The following CD2AP variants were observed in gnomAD, a reference collection of about 807,000 sequenced individuals.
CD2AP encodes the protein CD2 associated protein.
Under a neutral mutation model 85.1 loss-of-function variants are expected in CD2AP, and 46 were observed. The observed-to-expected ratio is 0.54, with a 90% CI of 0.43 to 0.69. CD2AP has a LOEUF of 0.69. CD2AP is among the 30% of genes least tolerant of loss of function. The pLI, the probability that CD2AP is intolerant of heterozygous loss-of-function variation, is 0.00. For synonymous variants in CD2AP, 255 were observed against 252.9 expected (o/e 1.01, Z -0.08); for missense variants, 769 against 729.5 (o/e 1.05, Z -0.62).
chr6:47,512,946 A>T (rs1314149598), intron 2 of CD2AP, among the ~76,000 whole-genome samples: 1 of 152,230 alleles, frequency 6.6e-6, no homozygotes, highest in Non-Finnish European at 1.5e-5. Flanking sequence ...ATGGATACAT[A>T]ATGTAGTTGC....
intron 4 of CD2AP, among the ~76,000 whole-genome samples, chr6:47,545,660 G>A (rs543193816): frequency 5.3e-4 from 80 of 152,254 alleles, no homozygotes; most frequent in African/African-American, 1.7e-3. Flanking sequence ...TGGTATCCAC[G>A]GCTAAGAGAC....
At chr6:47,620,646 T>C (rs1461559585) in intron 17 of CD2AP, among the ~76,000 whole-genome samples, 1 of 152,176 alleles carries the variant, frequency 6.6e-6, no homozygotes, top group East Asian at 1.9e-4. Context: ...GACAGTATGG[T>C]CATTTTCACA....
At chr6:47,542,720 T>C (rs1767249207) in intron 3 of CD2AP, among the ~76,000 whole-genome samples, 1 of 152,200 alleles carries the variant, frequency 6.6e-6, no homozygotes, top group Admixed American at 6.5e-5. Flanking sequence ...TATTTTGTTA[T>C]AGCAGCACAA....
chr6:47,574,545 T>G (rs973814467), intron 6 of CD2AP, among the ~76,000 whole-genome samples: 13 of 149,396 alleles, frequency 8.7e-5, no homozygotes, highest in African/African-American at 3.2e-4. Context: ...GTTTTTTGCC[T>G]TTTAAAGCTA....
At position 47,530,475 on chromosome 6, in the gene CD2AP, C is replaced by T. The variant is rs114795313; in HGVS notation, c.166-3127C>T. On this transcript the variant is annotated intron_variant, in intron 2 of 17. Coordinates refer to ENST00000359314, the MANE Select transcript of CD2AP (RefSeq NM_012120.3). Reference sequence around the variant, plus strand: ...TGTACCATATATATTTTGTGTCTGGCTTCTTTCAATCAGAATTAGAAATTG... The same window carrying T: ...TGTACCATATATATTTTGTGTCTGGTTTCTTTCAATCAGAATTAGAAATTG... Among the ~76,000 whole-genome samples, 1,185 of 152,260 alleles carry T rather than the reference C, an allele frequency of 7.8e-3. 8 individuals carry two copies. The highest frequency in any genetic ancestry group is 0.013 in the Non-Finnish European group (877 of 68,014).
intron 13 of CD2AP, 31 bp downstream of exon 13, chr6:47,599,474 T>A (rs1562051019): frequency 2.7e-5 from 36 of 1,321,418 alleles, no homozygotes; most frequent in South Asian, 4.3e-5. Flanking sequence ...GTGGTGCATT[T>A]AAAAAAAAAA....
chr6:47,616,889 C>T (rs1219026836), intron 17 of CD2AP, among the ~76,000 whole-genome samples: 1 of 152,156 alleles, frequency 6.6e-6, no homozygotes, highest in African/African-American at 2.4e-5. Context: ...GCCACCCTGT[C>T]AAAGGTTTGT....
chr6:47,584,080 T>C (rs1176209216), intron 11 of CD2AP, among the ~76,000 whole-genome samples: 4 of 152,220 alleles, frequency 2.6e-5, no homozygotes, highest in Non-Finnish European at 2.9e-5. Flanking sequence ...TTCTGGTCTT[T>C]TGTTCATTTT....
At chr6:47,605,224 T>G (rs1019832129) in intron 13 of CD2AP, among the ~76,000 whole-genome samples, 16 of 152,018 alleles carry the variant, frequency 1.1e-4, no homozygotes, top group African/African-American at 3.9e-4. Flanking sequence ...GTGGTTAATA[T>G]TCTGAGTTTG....
intron 4 of CD2AP, 90 bp from the exon 5 acceptor site, chr6:47,554,556 C>T: frequency 7.5e-7 from 1 of 1,329,318 alleles, no homozygotes; most frequent in Non-Finnish European, 1.1e-6. Context: ...AATTTTGTGC[C>T]TGTTTGCTTT....
chr6:47,559,006 G>C (rs936417438), intron 5 of CD2AP, among the ~76,000 whole-genome samples: 1 of 152,078 alleles, frequency 6.6e-6, no homozygotes, highest in Non-Finnish European at 1.5e-5. Flanking sequence ...TTCAAAACTT[G>C]TTATTGGTCT....
intron 13 of CD2AP, among the ~76,000 whole-genome samples, chr6:47,602,930 GA>G (rs1769180123): frequency 1.3e-5 from 2 of 151,954 alleles, no homozygotes; most frequent in Admixed American, 1.3e-4. Context: ...CAATTTTAAA[GA>G]AACACATTAT....
chr6:47,548,721 A>C (rs2114052261), intron 4 of CD2AP, among the ~76,000 whole-genome samples: 1 of 152,242 alleles, frequency 6.6e-6, no homozygotes, highest in Non-Finnish European at 1.5e-5. Flanking sequence ...GTATCATCCT[A>C]ATACCAAGAC....
In CD2AP at chr6:47,544,591, T is replaced by C. The variant is rs762821541; in HGVS notation, c.320-15T>C. ...TCATTCTTAATCTAATTTCTTATTA[T>C]GTTACTTTCTTTAGAGACCAAGAAG... On this transcript the variant is annotated splice_polypyrimidine_tract_variant and intron_variant, in intron 3 of 17. Transcript: ENST00000359314. The C allele has an allele frequency of 9.4e-6, 14 of 1,486,892 alleles. No homozygotes were observed. Among genetic ancestry groups the C allele is most frequent in the Non-Finnish European group, 1.3e-5 (14 of 1,064,700 alleles). The allele number at this position is 1,486,892 out of a possible 1,614,324, so 92.1% of individuals were successfully genotyped here. A position where few individuals can be genotyped will look rare whatever the true frequency, so the allele number is the denominator to read the frequency against.
chr6:47,505,673 G>A (rs1766133188), intron 2 of CD2AP, among the ~76,000 whole-genome samples: 2 of 77,256 alleles, frequency 2.6e-5, no homozygotes, highest in African/African-American at 4.2e-5. Context: ...GGGTGGGGGG[G>A]CTGACCCCCC....
chr6:47,537,521 C>G (rs1257756372), intron 3 of CD2AP, among the ~76,000 whole-genome samples: 7 of 152,016 alleles, frequency 4.6e-5, no homozygotes, highest in African/African-American at 1.7e-4. Context: ...ACATAGTATA[C>G]CCTTCACCTA....
At chr6:47,504,010 C>T (rs1766064333) in intron 2 of CD2AP, among the ~76,000 whole-genome samples, 1 of 152,198 alleles carries the variant, frequency 6.6e-6, no homozygotes, top group Non-Finnish European at 1.5e-5. Context: ...TAGCAGTTAT[C>T]TGCCAAACTG....
At chr6:47,597,839 A>C (rs970957563) in intron 12 of CD2AP, among the ~76,000 whole-genome samples, 3 of 150,662 alleles carry the variant, frequency 2.0e-5, no homozygotes, top group African/African-American at 7.3e-5. Context: ...TCTGGAATAA[A>C]GTTGGCCTGG....
intron 3 of CD2AP, among the ~76,000 whole-genome samples, chr6:47,538,045 C>T (rs56023430): frequency 0.017 from 2,652 of 151,894 alleles, 71 homozygotes; most frequent in African/African-American, 0.06. Context: ...GCCACTGCTC[C>T]GGGCAAGAAA....
Sources: gnomAD v4.1 joint callset for allele counts (sites outside exome capture counted in the v4.1 genomes callset) on GRCh38, gnomAD v4.1.1 for gene constraint, MANE v1.5 for transcripts, NCBI Gene and HGNC (gene_info 2026-07-23, HGNC 2026-07-21) for gene names.